Variants in RHOA observed in about 807,000 individuals in gnomAD.
RHOA encodes ras homolog family member A.
In RHOA, 3 loss-of-function variants were observed where a neutral mutation model predicts 17.5. That is an observed-to-expected ratio of 0.17 (90% CI 0.08 to 0.44). RHOA has a LOEUF of 0.44. Among genes scored for constraint, RHOA ranks in the 20% least tolerant of loss-of-function variants. The pLI is 0.99. For missense variants in RHOA, 56 were observed against 242.3 expected (o/e 0.23, Z 5.10); for synonymous variants, 98 against 88.4 (o/e 1.11, Z -0.61).
intron 1 of RHOA, among the ~76,000 whole-genome samples, chr3:49,406,252 A>G (rs372193705): frequency 1.3e-5 from 2 of 152,230 alleles, no homozygotes; most frequent in East Asian, 3.8e-4. Flanking sequence ...TACAAAAAAA[A>G]ATCCCAGTAG....
intron 1 of RHOA, among the ~76,000 whole-genome samples, chr3:49,375,854 CT>C (rs979542555): frequency 2.5e-4 from 37 of 147,884 alleles, no homozygotes; most frequent in Admixed American, 2.7e-4. Flanking sequence ...CTTGCCACTT[CT>C]TTTTTTTTTT....
At chr3:49,401,277 C>A (rs542310307) in intron 1 of RHOA, among the ~76,000 whole-genome samples, 5 of 152,202 alleles carry the variant, frequency 3.3e-5, no homozygotes, top group Admixed American at 3.3e-4. Flanking sequence ...GCAATCCCAG[C>A]ACTTTGGGAG....
At chr3:49,397,844 A>C (rs948653384) in intron 1 of RHOA, among the ~76,000 whole-genome samples, 7 of 152,220 alleles carry the variant, frequency 4.6e-5, no homozygotes, top group Non-Finnish European at 1.0e-4. Context: ...AGATCATAAC[A>C]GCTGATAGAG....
At chr3:49,396,217 T>G (rs1293135652) in intron 1 of RHOA, among the ~76,000 whole-genome samples, 1 of 151,460 alleles carries the variant, frequency 6.6e-6, no homozygotes, top group Admixed American at 6.6e-5. Context: ...CAGGCAAGAG[T>G]AGATGGCAGT....
intron 1 of RHOA, among the ~76,000 whole-genome samples, chr3:49,397,390 G>A (rs1559514397): frequency 1.3e-5 from 2 of 152,140 alleles, no homozygotes; most frequent in Non-Finnish European, 2.9e-5. Context: ...AAAATTGACT[G>A]TAGTGATACA....
chr3:49,378,605 T>C (rs1483969576), intron 1 of RHOA, among the ~76,000 whole-genome samples: 1 of 151,922 alleles, frequency 6.6e-6, no homozygotes, highest in Non-Finnish European at 1.5e-5. Flanking sequence ...TTCTCTATTA[T>C]GTAGTTATTT....
At chr3:49,382,851 T>TCGAGACAAG (rs1217777815) in intron 1 of RHOA, among the ~76,000 whole-genome samples, 1 of 151,810 alleles carries the variant, frequency 6.6e-6, no homozygotes, top group Non-Finnish European at 1.5e-5. Context: ...GGTCAGGAGT[T>TCGAGACAAG]CGAGACAAGC....
intron 2 of RHOA, among the ~76,000 whole-genome samples, chr3:49,372,494 A>C (rs923425118): frequency 6.6e-6 from 1 of 152,174 alleles, no homozygotes; most frequent in Non-Finnish European, 1.5e-5. Context: ...TAATCCCAGC[A>C]CTTTGGGAGG....
intron 1 of RHOA, among the ~76,000 whole-genome samples, chr3:49,392,920 T>C (rs1039188437): frequency 2.0e-5 from 3 of 152,158 alleles, no homozygotes; most frequent in Non-Finnish European, 4.4e-5. Context: ...CTCACTTCTG[T>C]AATCCTAGCA....
At chr3:49,391,426 G>A (rs141494005) in intron 1 of RHOA, among the ~76,000 whole-genome samples, 1 of 151,754 alleles carries the variant, frequency 6.6e-6, no homozygotes, top group African/African-American at 2.4e-5. Context: ...TACATACTTA[G>A]GCAGCAGAGT....
At chr3:49,404,940 C>CAA (rs1234076692) in intron 1 of RHOA, among the ~76,000 whole-genome samples, 1 of 92,116 alleles carries the variant, frequency 1.1e-5, no homozygotes. Context: ...CTCTTGTCTC[C>CAA]AAAAAAAAAA....
intron 1 of RHOA, among the ~76,000 whole-genome samples, chr3:49,380,719 T>TAATAAA (rs2048303024): frequency 8.0e-6 from 1 of 125,124 alleles, no homozygotes; most frequent in South Asian, 2.7e-4. Flanking sequence ...ATAATAATAA[T>TAATAAA]AAATACTCAT....
At chr3:49,411,025 C>A (rs1157966505) in intron 1 of RHOA, among the ~76,000 whole-genome samples, 1 of 152,232 alleles carries the variant, frequency 6.6e-6, no homozygotes, top group African/African-American at 2.4e-5. Context: ...AACTGTAGAT[C>A]CAATCAGTAA....
intron 1 of RHOA, among the ~76,000 whole-genome samples, chr3:49,384,186 G>A (rs2048361236): frequency 6.6e-6 from 1 of 152,214 alleles, no homozygotes; most frequent in African/African-American, 2.4e-5. Flanking sequence ...GATACTGGGA[G>A]TGCGGCAATA....
rs1191328623 is a variant in RHOA, at chr3:49,377,295, A to C, written c.-2-1704T>G. 4.6e-5 allele frequency among the ~76,000 whole-genome samples: 7 copies of C among 151,452 alleles called. No individual in the cohort carries two copies. The East Asian group carries it at 1.2e-3, about 25-fold the overall frequency. On this transcript the variant is annotated intron_variant, in intron 1 of 4. Transcript: ENST00000418115. ...AGGACGGACGGAAGCATGAGAGGGG[A>C]GGGGAGAAAGAAAAGGGCCGGGCGC...
intron 3 of RHOA, among the ~76,000 whole-genome samples, chr3:49,363,563 C>T (rs561246520): frequency 1.3e-5 from 2 of 151,178 alleles, no homozygotes; most frequent in African/African-American, 4.8e-5. Flanking sequence ...TGGCTAAACC[C>T]CATCTCCAGA....
chr3:49,398,948 T>C (rs1292757693), intron 1 of RHOA, among the ~76,000 whole-genome samples: 1 of 145,932 alleles, frequency 6.9e-6, no homozygotes, highest in Non-Finnish European at 1.5e-5. Flanking sequence ...TCCCAGTTAT[T>C]TGGGAGACTG....
chr3:49,393,622 G>A (rs1397628165), intron 1 of RHOA, among the ~76,000 whole-genome samples: 5 of 129,382 alleles, frequency 3.9e-5, no homozygotes, highest in Non-Finnish European at 8.0e-5. Flanking sequence ...TTTTTTAAGA[G>A]GCTCAGCCTC....
intron 1 of RHOA, among the ~76,000 whole-genome samples, chr3:49,389,469 G>C (rs1479821160): frequency 6.6e-6 from 1 of 152,004 alleles, no homozygotes; most frequent in Non-Finnish European, 1.5e-5. Context: ...GGCCCATCTT[G>C]GAAGGACTTA....
Sources: allele counts gnomAD v4.1 joint callset (sites outside exome capture counted in the v4.1 genomes callset), GRCh38; gene constraint gnomAD v4.1.1; transcripts MANE v1.5; gene names NCBI Gene and HGNC (gene_info 2026-07-23, HGNC 2026-07-21).